Variants in GPC5 observed in about 807,000 individuals in gnomAD.
GPC5 encodes glypican-5.
In GPC5, 47 loss-of-function variants were observed where a neutral mutation model predicts 53.9. The observed-to-expected ratio is 0.87, with a 90% CI of 0.69 to 1.11. The LOEUF (loss-of-function observed/expected upper bound fraction) is 1.11. GPC5 is among the 50% of genes most tolerant of loss of function. GPC5 has a pLI of 0.00. For synonymous variants in GPC5, 286 were observed against 263.3 expected (o/e 1.09, Z -0.84); for missense variants, 748 against 713.1 (o/e 1.05, Z -0.56).
chr13:92,496,847 A>G (rs1879999143), intron 7 of GPC5, among the ~76,000 whole-genome samples: 1 of 152,128 alleles, frequency 6.6e-6, no homozygotes, highest in South Asian at 2.1e-4. Context: ...CTGGCGGCAA[A>G]TCCATGCAGG....
At position 92,595,489 on chromosome 13, in the gene GPC5, C is replaced by T. The variant is rs192417912; in HGVS notation, c.1562-270793C>T. ...GGAAGTCAAAAGATAGTATTTACGGCCGGGCGCGGTGGCTCACGCCTGTAA... is the reference window on the plus strand; with the variant it reads ...GGAAGTCAAAAGATAGTATTTACGGTCGGGCGCGGTGGCTCACGCCTGTAA... On this transcript the variant is annotated intron_variant, in intron 7 of 7. Coordinates refer to ENST00000377067, the MANE Select transcript of GPC5 (RefSeq NM_004466.6). Among the ~76,000 whole-genome samples, 545 of 152,260 alleles carry T rather than the reference C, an allele frequency of 3.6e-3. 4 individuals carry two copies. The highest frequency in any genetic ancestry group is 0.014 in the South Asian group (66 of 4,828).
intron 7 of GPC5, chr13:92,240,929 A>C (rs1458333302): frequency 1.3e-5 from 2 of 152,208 alleles, no homozygotes; most frequent in African/African-American, 4.8e-5. Flanking sequence ...CTAATCAGTC[A>C]TGGTTATTAG....
At chr13:92,693,204 T>A (rs1887464108) in intron 7 of GPC5, among the ~76,000 whole-genome samples, 1 of 152,122 alleles carries the variant, frequency 6.6e-6, no homozygotes, top group African/African-American at 2.4e-5. Context: ...GGTAGTTCTT[T>A]ATAGCAATGT....
chr13:92,567,156 C>A (rs541701761), intron 7 of GPC5, among the ~76,000 whole-genome samples: 169 of 152,144 alleles, frequency 1.1e-3, no homozygotes, highest in Non-Finnish European at 2.0e-3. Flanking sequence ...CCTTAAAGGC[C>A]ATGTTCCCAG....
At chr13:91,953,442 G>A (rs757170391) in intron 6 of GPC5, among the ~76,000 whole-genome samples, 10 of 152,018 alleles carry the variant, frequency 6.6e-5, no homozygotes, top group Admixed American at 3.3e-4. Context: ...AGTAGCTACC[G>A]AGTATGTACA....
intron 2 of GPC5, among the ~76,000 whole-genome samples, chr13:91,609,767 A>T (rs1371493723): frequency 6.6e-6 from 1 of 152,160 alleles, no homozygotes; most frequent in Admixed American, 6.5e-5. Flanking sequence ...CTGGGTTTTT[A>T]TACGCCAGAG....
intron 7 of GPC5, among the ~76,000 whole-genome samples, chr13:92,485,243 A>G (rs1879509655): frequency 6.6e-6 from 1 of 152,204 alleles, no homozygotes; most frequent in African/African-American, 2.4e-5. Flanking sequence ...TTCTGAATAT[A>G]TGAGTGATGT....
intron 7 of GPC5, among the ~76,000 whole-genome samples, chr13:92,585,629 G>A (rs1271443707): frequency 6.6e-6 from 1 of 152,146 alleles, no homozygotes. Context: ...GATTGACTTT[G>A]AAATGTGAGG....
intron 2 of GPC5, among the ~76,000 whole-genome samples, chr13:91,675,090 G>A (rs985036768): frequency 9.3e-5 from 14 of 150,578 alleles, no homozygotes; most frequent in South Asian, 2.1e-4. Context: ...TGAATAATGC[G>A]TTTGTTTACT....
intron 6 of GPC5, among the ~76,000 whole-genome samples, chr13:91,916,906 G>A (rs2039664834): frequency 6.6e-6 from 1 of 152,106 alleles, no homozygotes; most frequent in Admixed American, 6.6e-5. Flanking sequence ...GGGGTTATGG[G>A]AATTATAATT....
At chr13:91,508,426 T>A (rs1885063082) in intron 2 of GPC5, among the ~76,000 whole-genome samples, 1 of 152,164 alleles carries the variant, frequency 6.6e-6, no homozygotes, top group Non-Finnish European at 1.5e-5. Context: ...GCAGACAGGA[T>A]GGCATTGTAC....
intron 6 of GPC5, among the ~76,000 whole-genome samples, chr13:92,132,397 T>C (rs1225080443): frequency 6.6e-6 from 1 of 152,128 alleles, no homozygotes; most frequent in Non-Finnish European, 1.5e-5. Context: ...CAAAAATTTA[T>C]TGTGTCACAG....
chr13:91,573,675 C>A (rs1224451273), intron 2 of GPC5, among the ~76,000 whole-genome samples: 1 of 152,032 alleles, frequency 6.6e-6, no homozygotes, highest in Non-Finnish European at 1.5e-5. Context: ...GTACCAGTAT[C>A]TAATTTATTT....
At chr13:92,677,836 G>A (rs1173906097) in intron 7 of GPC5, among the ~76,000 whole-genome samples, 1 of 152,152 alleles carries the variant, frequency 6.6e-6, no homozygotes. Context: ...TCCACAATGA[G>A]AACAGGAACT....
chr13:92,611,423 A>G (rs1167488419), intron 7 of GPC5, among the ~76,000 whole-genome samples: 1 of 152,138 alleles, frequency 6.6e-6, no homozygotes, highest in Non-Finnish European at 1.5e-5. Context: ...TATCTTTACT[A>G]TCACCATGTC....
At chr13:91,422,667 A>C (rs2138990113) in intron 1 of GPC5, among the ~76,000 whole-genome samples, 1 of 151,748 alleles carries the variant, frequency 6.6e-6, no homozygotes, top group South Asian at 2.1e-4. Flanking sequence ...CATTTCTTAC[A>C]GTGCTGGAGG....
intron 7 of GPC5, among the ~76,000 whole-genome samples, chr13:92,409,315 A>T (rs1875942051): frequency 6.6e-6 from 1 of 151,876 alleles, no homozygotes. Context: ...CAATTAAAAG[A>T]AAATATTTTT....
intron 7 of GPC5, among the ~76,000 whole-genome samples, chr13:92,536,832 G>GA (rs1456148722): frequency 1.3e-5 from 2 of 151,864 alleles, no homozygotes; most frequent in Admixed American, 1.3e-4. Flanking sequence ...ATTAATGATA[G>GA]AAAAAAGAGT....
At chr13:91,557,037 G>C (rs1008396335) in intron 2 of GPC5, among the ~76,000 whole-genome samples, 1 of 152,042 alleles carries the variant, frequency 6.6e-6, no homozygotes, top group African/African-American at 2.4e-5. Flanking sequence ...TTGGGTGGAC[G>C]TAGTTTTTAT....
Sources: gnomAD v4.1 joint callset for allele counts (sites outside exome capture counted in the v4.1 genomes callset) on GRCh38, gnomAD v4.1.1 for gene constraint, MANE v1.5 for transcripts, NCBI Gene and HGNC (gene_info 2026-07-23, HGNC 2026-07-21) for gene names.